RALGPS1: variants seen among roughly 807,000 people sequenced by gnomAD.
RALGPS1 encodes Ral GEF with PH domain and SH3 binding motif 1, also known as ras-specific guanine nucleotide-releasing factor RalGPS1.
A neutral mutation model predicts 78.8 loss-of-function variants in RALGPS1; 19 were observed. That is an observed-to-expected ratio of 0.24 (90% confidence interval 0.17 to 0.35). RALGPS1 has a LOEUF of 0.35. RALGPS1 is among the 10% of genes least tolerant of loss of function. The probability of loss-of-function intolerance (pLI) is 1.00; values close to 1 mark genes in which losing one functional copy is unlikely to be tolerated. For synonymous variants in RALGPS1, 228 were observed against 256.3 expected (o/e 0.89, Z 1.06); for missense variants, 454 against 688.3 (o/e 0.66, Z 3.81).
At chr9:127,005,965 G>C (rs2043801464) in intron 4 of RALGPS1, among the ~76,000 whole-genome samples, 3 of 152,188 alleles carry the variant, frequency 2.0e-5, no homozygotes, top group Admixed American at 2.0e-4. Flanking sequence ...GCAGAAATCT[G>C]CAGAGACCAA....
intron 14 of RALGPS1, among the ~76,000 whole-genome samples, chr9:127,204,820 A>C (rs2061845397): frequency 6.6e-6 from 1 of 152,220 alleles, no homozygotes; most frequent in Admixed American, 6.5e-5. Context: ...TCCTGCCCCA[A>C]AAACTGAGTT....
At chr9:127,143,609 G>C (rs1335416805) in intron 8 of RALGPS1, among the ~76,000 whole-genome samples, 1 of 152,148 alleles carries the variant, frequency 6.6e-6, no homozygotes, top group Non-Finnish European at 1.5e-5. Context: ...TTTTAAGAAA[G>C]GGCAGTTGAG....
intron 11 of RALGPS1, among the ~76,000 whole-genome samples, chr9:127,192,532 C>T (rs994489069): frequency 2.0e-5 from 3 of 152,068 alleles, no homozygotes; most frequent in African/African-American, 7.2e-5. Context: ...CTCCTGTGAT[C>T]CCAGCTACTC....
intron 7 of RALGPS1, among the ~76,000 whole-genome samples, chr9:127,053,421 G>A (rs915276429): frequency 2.0e-5 from 3 of 152,184 alleles, no homozygotes; most frequent in African/African-American, 7.2e-5. Context: ...CTCAGAGGTG[G>A]AGTCTGATAG....
intron 7 of RALGPS1, among the ~76,000 whole-genome samples, chr9:127,067,453 G>T (rs991583875): frequency 1.3e-5 from 2 of 152,228 alleles, no homozygotes; most frequent in Non-Finnish European, 1.5e-5. Context: ...TGAAGATGAA[G>T]GAACCAGGCA....
At chr9:127,136,410 C>T (rs1289667743) in intron 8 of RALGPS1, among the ~76,000 whole-genome samples, 1 of 152,208 alleles carries the variant, frequency 6.6e-6, no homozygotes, top group Non-Finnish European at 1.5e-5. Context: ...CATTGTGGAG[C>T]ACCCACCCTC....
At position 127,091,304 on chromosome 9, in the gene RALGPS1, GCCTAC is replaced by G. The variant is rs1339509172; in HGVS notation, c.610+21949_610+21953del. On this transcript the variant is annotated intron_variant, in intron 8 of 18. Coordinates refer to ENST00000259351, the MANE Select transcript of RALGPS1 (RefSeq NM_014636.3). This position sits in a 1 kb window ranked among gnomAD's most constrained non-coding sequence, Gnocchi z 4.3. ...CTGGAGCCCAGGTGTGTGGCCCAGAGCCTACGCAGTTGGTTAGCTCTATACCAGGT... is the reference window on the plus strand; with the variant it reads ...CTGGAGCCCAGGTGTGTGGCCCAGAGGCAGTTGGTTAGCTCTATACCAGGT... Among the ~76,000 whole-genome samples, 1 of 152,234 alleles carries G rather than the reference GCCTAC, an allele frequency of 6.6e-6. No individual in the cohort carries two copies. Among genetic ancestry groups the G allele is most frequent in the Non-Finnish European group, 1.5e-5 (1 of 68,044 alleles).
At chr9:127,057,847 A>C (rs1186077948) in intron 7 of RALGPS1, among the ~76,000 whole-genome samples, 1 of 152,252 alleles carries the variant, frequency 6.6e-6, no homozygotes, top group African/African-American at 2.4e-5. Flanking sequence ...TCTGGCTGGC[A>C]CAAGAAGTGA....
intron 12 of RALGPS1, 77 bp downstream of exon 12, chr9:127,195,294 C>T (rs2061295671): frequency 1.9e-6 from 3 of 1,552,804 alleles, no homozygotes; most frequent in African/African-American, 1.4e-5. Flanking sequence ...CAGGGAATCA[C>T]TTGCTGGCTG....
At chr9:127,029,957 A>G (rs750982399) in intron 4 of RALGPS1, among the ~76,000 whole-genome samples, 2 of 152,234 alleles carry the variant, frequency 1.3e-5, no homozygotes, top group Non-Finnish European at 2.9e-5. Context: ...TCACCTAGGA[A>G]TGCTTACAGG....
At chr9:126,950,280 T>G (rs1159929248) in intron 1 of RALGPS1, among the ~76,000 whole-genome samples, 1 of 152,238 alleles carries the variant, frequency 6.6e-6, no homozygotes, top group Non-Finnish European at 1.5e-5. Flanking sequence ...TGGCTTAGGA[T>G]TCACTTGGCG....
chr9:127,178,755 T>G (rs984960459), intron 11 of RALGPS1, among the ~76,000 whole-genome samples: 2 of 152,158 alleles, frequency 1.3e-5, no homozygotes, highest in Admixed American at 1.3e-4. Flanking sequence ...CAGAGTTGAG[T>G]GCTTGGGACA....
chr9:127,177,789 C>T, intron 11 of RALGPS1: 10 of 1,535,782 alleles, frequency 6.5e-6, no homozygotes, highest in Non-Finnish European at 8.8e-6. Context: ...CCTGACTGTC[C>T]TGGAAGTCAG....
At chr9:127,200,956 T>C (rs78102429) in intron 14 of RALGPS1, among the ~76,000 whole-genome samples, 2 of 152,244 alleles carry the variant, frequency 1.3e-5, no homozygotes, top group Non-Finnish European at 2.9e-5. Flanking sequence ...TTCACTCACT[T>C]ATTCATTCAG....
intron 4 of RALGPS1, among the ~76,000 whole-genome samples, chr9:126,979,268 T>TGTGTGTGC: frequency 7.2e-6 from 1 of 139,392 alleles, no homozygotes; most frequent in East Asian, 2.1e-4. Flanking sequence ...TGTGTGTGTG[T>TGTGTGTGC]GTGTGTGCTT....
At chr9:127,036,172 A>T (rs573541574) in intron 5 of RALGPS1, among the ~76,000 whole-genome samples, 4 of 152,288 alleles carry the variant, frequency 2.6e-5, no homozygotes, top group Admixed American at 2.0e-4. Context: ...TTTTTTTTCA[A>T]ACAGTGCTCT....
intron 4 of RALGPS1, among the ~76,000 whole-genome samples, chr9:127,033,759 T>C (rs1448722907): frequency 1.3e-5 from 2 of 152,248 alleles, no homozygotes; most frequent in Non-Finnish European, 2.9e-5. Flanking sequence ...TTTTATCCCT[T>C]GGCTAAGAGC....
At chr9:127,107,824 C>G in intron 8 of RALGPS1, 1 of 1,353,386 alleles carries the variant, frequency 7.4e-7, no homozygotes, top group Non-Finnish European at 1.0e-6. Flanking sequence ...CTTCAACTGG[C>G]CATGGCTTTT....
chr9:127,199,328 A>T (rs1052542497), intron 14 of RALGPS1, among the ~76,000 whole-genome samples: 21 of 152,194 alleles, frequency 1.4e-4, no homozygotes, highest in African/African-American at 5.1e-4. Context: ...GCACAGCTGC[A>T]GGAGGCCTGT....
Sources: allele counts gnomAD v4.1 joint callset (sites outside exome capture counted in the v4.1 genomes callset), GRCh38; gene constraint gnomAD v4.1.1; non-coding constraint Gnocchi (gnomAD v3.1); transcripts MANE v1.5; gene names NCBI Gene and HGNC (gene_info 2026-07-23, HGNC 2026-07-21).